Variants in COL23A1 observed in about 807,000 individuals in gnomAD.
The protein encoded by COL23A1 is collagen alpha-1(XXIII) chain.
COL23A1 carries 97 observed loss-of-function variants against 99.3 expected under a neutral mutation model. The ratio of observed to expected loss-of-function variants is 0.98; its 90% CI spans 0.83 to 1.16. The LOEUF is 1.16. Ranked by LOEUF, COL23A1 falls within the 50% of genes most tolerant of loss-of-function variation. COL23A1 has a pLI of 0.00. For synonymous variants in COL23A1, 320 were observed against 308.2 expected, an observed-to-expected ratio of 1.04 and a Z score of -0.40; for missense variants, 762 against 757.4, an observed-to-expected ratio of 1.01 and a Z score of -0.07.
rs777023242 is a variant in COL23A1, at chr5:178,562,249, G to GAA, written c.295-1503_295-1502dup. Reference sequence around the variant, plus strand: ...AGAGCGAGACTCCATCTCAAAAAAAGAAAAAAAAAAAAAAAAAGAATGGAG... The same window carrying GAA: ...AGAGCGAGACTCCATCTCAAAAAAAGAAAAAAAAAAAAAAAAAAAGAATGGAG... On this transcript the variant is annotated intron_variant, in intron 1 of 28. Transcript: ENST00000390654. 9.2e-3 allele frequency: 1,811 copies of GAA among 197,170 alleles called. 4 individuals carry two copies. Among genetic ancestry groups the GAA allele is most frequent in the Non-Finnish European group, 0.011 (1,143 of 100,430 alleles). 12.2% of individuals were successfully genotyped at this position (197,170 alleles called of 1,614,324 possible).
At chr5:178,407,329 C>A (rs564276022) in intron 2 of COL23A1, among the ~76,000 whole-genome samples, 1 of 152,244 alleles carries the variant, frequency 6.6e-6, no homozygotes, top group Non-Finnish European at 1.5e-5. Flanking sequence ...GCTCCCTCCC[C>A]CTTTATCATC....
At chr5:178,560,615 T>C (rs1472075992) in intron 2 of COL23A1, 67 bp downstream of exon 2, 2 of 1,442,332 alleles carry the variant, frequency 1.4e-6, no homozygotes, top group Non-Finnish European at 1.9e-6. Flanking sequence ...GACCATGCTG[T>C]TCTCAGCAAT....
chr5:178,353,638 G>C (rs747765130), intron 2 of COL23A1, among the ~76,000 whole-genome samples: 4 of 152,152 alleles, frequency 2.6e-5, no homozygotes, highest in Non-Finnish European at 5.9e-5. Context: ...CCTCTCTTAG[G>C]ATAAAGTAGT....
intron 2 of COL23A1, among the ~76,000 whole-genome samples, chr5:178,334,703 A>C (rs1366855090): frequency 2.0e-5 from 3 of 152,210 alleles, no homozygotes. Flanking sequence ...GCACTTAAAG[A>C]CAGCGACACG....
intron 2 of COL23A1, among the ~76,000 whole-genome samples, chr5:178,358,997 C>G (rs1205007655): frequency 6.6e-6 from 1 of 152,112 alleles, no homozygotes; most frequent in African/African-American, 2.4e-5. Context: ...ATCCAACTGT[C>G]TAATAAAAGG....
At chr5:178,376,693 A>G (rs905790985) in intron 2 of COL23A1, among the ~76,000 whole-genome samples, 1 of 152,226 alleles carries the variant, frequency 6.6e-6, no homozygotes, top group East Asian at 1.9e-4. Flanking sequence ...CCACACAGCT[A>G]GGAGACAGTG....
At chr5:178,249,265 C>A (rs995828216) in intron 18 of COL23A1, 59 bp from the exon 19 acceptor site, 2 of 1,516,998 alleles carry the variant, frequency 1.3e-6, no homozygotes, top group Non-Finnish European at 1.8e-6. Flanking sequence ...CCTTCTCCCC[C>A]CAGCAGGTCC....
intron 2 of COL23A1, among the ~76,000 whole-genome samples, chr5:178,551,758 C>A (rs1309414161): frequency 3.9e-5 from 6 of 152,206 alleles, no homozygotes; most frequent in Non-Finnish European, 8.8e-5. Flanking sequence ...GCCCTGAGCA[C>A]CCCCTCAGGG....
chr5:178,527,405 C>T (rs1393812766), intron 2 of COL23A1, among the ~76,000 whole-genome samples: 2 of 152,178 alleles, frequency 1.3e-5, no homozygotes, highest in African/African-American at 2.4e-5. Flanking sequence ...CTGAGATCAG[C>T]GGTTGACCCC....
At chr5:178,274,352 G>C (rs1359729823) in intron 5 of COL23A1, among the ~76,000 whole-genome samples, 1 of 152,228 alleles carries the variant, frequency 6.6e-6, no homozygotes, top group African/African-American at 2.4e-5. Context: ...GAGGACAAGC[G>C]CCTCAGGGAA....
At chr5:178,303,944 GGAGGAGA>G (rs751113365) in intron 3 of COL23A1, among the ~76,000 whole-genome samples, 21 of 152,216 alleles carry the variant, frequency 1.4e-4, no homozygotes, top group Non-Finnish European at 2.2e-4. Context: ...AGAGGGTCTG[GGAGGAGA>G]GAGGATCCTC....
At chr5:178,239,327 C>T (rs1764269686) in intron 27 of COL23A1, 148 bp from the exon 28 acceptor site, 2 of 814,482 alleles carry the variant, frequency 2.5e-6, no homozygotes, top group Non-Finnish European at 4.2e-6. Flanking sequence ...GGCACAATGC[C>T]TCCTCTGTCC....
chr5:178,264,206 T>A (rs7726561), intron 8 of COL23A1, among the ~76,000 whole-genome samples: 59,133 of 151,830 alleles, frequency 0.39, 12,282 homozygotes, highest in East Asian at 0.65. Flanking sequence ...GATTGTATCA[T>A]TGTCAATTTC....
At chr5:178,573,791 A>C (rs1378901045) in intron 1 of COL23A1, among the ~76,000 whole-genome samples, 2 of 152,218 alleles carry the variant, frequency 1.3e-5, no homozygotes, top group Non-Finnish European at 2.9e-5. Context: ...TACATGAATA[A>C]ATCTCAAAAG....
At chr5:178,585,391 G>GCTGGGGTAACACTCCACA (rs1581686774) in intron 1 of COL23A1, among the ~76,000 whole-genome samples, 13 of 143,798 alleles carry the variant, frequency 9.0e-5, no homozygotes, top group African/African-American at 2.8e-4. Context: ...AACACTCCGC[G>GCTGGGGTAACACTCCACA]GCCCTGACTG....
chr5:178,261,373 C>A (rs947514081), intron 11 of COL23A1, among the ~76,000 whole-genome samples: 1 of 151,928 alleles, frequency 6.6e-6, no homozygotes, highest in African/African-American at 2.4e-5. Context: ...GTGATCGTGC[C>A]ACTGCATTCC....
intron 27 of COL23A1, 125 bp from the exon 28 acceptor site, chr5:178,239,304 C>CAGCTCAGCAGTGAGGCCCAGCCT: frequency 9.4e-7 from 1 of 1,060,558 alleles, no homozygotes; most frequent in Non-Finnish European, 1.5e-6. Flanking sequence ...CTGCTGGGCC[C>CAGCTCAGCAGTGAGGCCCAGCCT]CACTGAGGCA....
intron 2 of COL23A1, among the ~76,000 whole-genome samples, chr5:178,519,133 A>T (rs1023669433): frequency 6.6e-6 from 1 of 152,200 alleles, no homozygotes; most frequent in African/African-American, 2.4e-5. Context: ...CCTTCTCAAC[A>T]GCAGTTCTTT....
Position 178,468,176 on chromosome 5 carries a change from G to A in COL23A1, c.361+92506C>T, listed in dbSNP as rs1327471702. 6.6e-6 allele frequency among the ~76,000 whole-genome samples: 1 copy of A among 151,966 alleles called. No homozygotes were observed. Among genetic ancestry groups the A allele is most frequent in the Non-Finnish European group, 1.5e-5 (1 of 68,024 alleles). The stretch of plus-strand genomic sequence containing the variant: ...CTTTGGGGTGTGCTTGTGTGTTCAC[G>A]GAGGATGAACACACCCACCCAGACC... On this transcript the variant is annotated intron_variant, in intron 2 of 28. Transcript: ENST00000390654. This position sits in a 1 kb window ranked among gnomAD's most constrained non-coding sequence, Gnocchi z 4.2.
Sources: allele counts gnomAD v4.1 joint callset (sites outside exome capture counted in the v4.1 genomes callset), GRCh38; gene constraint gnomAD v4.1.1; non-coding constraint Gnocchi (gnomAD v3.1); transcripts MANE v1.5; gene names NCBI Gene and HGNC (gene_info 2026-07-23, HGNC 2026-07-21).